Variants in FRMD4A observed in about 807,000 individuals in gnomAD.
The protein encoded by FRMD4A is FERM domain containing 4A.
Under a neutral mutation model 129.1 loss-of-function variants are expected in FRMD4A, and 29 were observed. The ratio of observed to expected loss-of-function variants is 0.22; its 90% CI spans 0.17 to 0.31. FRMD4A has a LOEUF of 0.31. Ranked by LOEUF, FRMD4A falls within the 10% of genes least tolerant of loss-of-function variation. The probability of loss-of-function intolerance (pLI) is 1.00; values close to 1 mark genes in which losing one functional copy is unlikely to be tolerated. For missense variants in FRMD4A, 1,272 were observed against 1,375.8 expected (o/e 0.92, Z 1.19); for synonymous variants, 634 against 571.6 (o/e 1.11, Z -1.56).
chr10:14,229,059 T>G (rs759463220), intron 2 of FRMD4A, among the ~76,000 whole-genome samples: 1 of 152,076 alleles, frequency 6.6e-6, no homozygotes, highest in Non-Finnish European at 1.5e-5. Flanking sequence ...CCTTCAGCAG[T>G]GCTAATGTTG....
intron 2 of FRMD4A, among the ~76,000 whole-genome samples, chr10:14,106,797 T>C (rs56957296): frequency 0.02 from 3,076 of 152,310 alleles, 106 homozygotes; most frequent in African/African-American, 0.07. Flanking sequence ...CTTTGCAGTT[T>C]GGAGATTTCT....
intron 2 of FRMD4A, among the ~76,000 whole-genome samples, chr10:14,121,981 T>A (rs1838549802): frequency 6.6e-6 from 1 of 152,244 alleles, no homozygotes. Context: ...AGCCTGTGTC[T>A]GGCACAGAAT....
At position 14,198,317 on chromosome 10, in the gene FRMD4A, G is replaced by A. The variant is rs553447914; in HGVS notation, c.45+131741C>T. Among the ~76,000 whole-genome samples the A allele has an allele frequency of 1.6e-4, 24 of 152,324 alleles. No homozygotes were observed. In the South Asian group the frequency reaches 4.6e-3, roughly 29 times the overall value. ...GCCCACATGACCTCATTGGGACATC[G>A]GGCTGGAGAGACCTGGGATGTTGAG... On this transcript the variant is annotated intron_variant, in intron 2 of 24. Transcript: ENST00000357447.
chr10:14,206,951 C>A (rs896630447), intron 2 of FRMD4A, among the ~76,000 whole-genome samples: 7 of 151,956 alleles, frequency 4.6e-5, no homozygotes, highest in Non-Finnish European at 1.0e-4. Flanking sequence ...CCAGACCAAT[C>A]AGTGACCTTA....
intron 2 of FRMD4A, among the ~76,000 whole-genome samples, chr10:14,139,351 A>G (rs1033666035): frequency 6.6e-6 from 1 of 152,222 alleles, no homozygotes; most frequent in Non-Finnish European, 1.5e-5. Context: ...AGGTTGCTGA[A>G]GTCATAAGCT....
At chr10:13,789,572 A>ACACACACACACG (rs1488605566) in intron 5 of FRMD4A, among the ~76,000 whole-genome samples, 191 of 148,946 alleles carry the variant, frequency 1.3e-3, no homozygotes, top group African/African-American at 4.6e-3. Flanking sequence ...ACACACACAC[A>ACACACACACACG]CACACACACA....
intron 2 of FRMD4A, among the ~76,000 whole-genome samples, chr10:14,174,412 G>A (rs797005762): frequency 6.6e-5 from 10 of 151,464 alleles, no homozygotes; most frequent in African/African-American, 2.4e-4. Context: ...ACAGTGATCT[G>A]TAACAACCCA....
chr10:13,854,837 G>A lies in FRMD4A; in HGVS notation c.111+4010C>T, dbSNP rs141779545. Among the ~76,000 whole-genome samples the A allele has an allele frequency of 1.4e-3, 213 of 152,260 alleles. 2 individuals carry two copies. The highest frequency in any genetic ancestry group is 4.8e-3 in the African/African-American group (199 of 41,542). The stretch of plus-strand genomic sequence containing the variant: ...CTGAACTGCAGGGCAATCTGTCTAT[G>A]CAACCTGCATGTGTCCACAACCAAG... On this transcript the variant is annotated intron_variant, in intron 3 of 24. Transcript: ENST00000357447.
chr10:13,791,815 G>A lies in FRMD4A; in HGVS notation c.299+4681C>T, dbSNP rs112150441. The stretch of plus-strand genomic sequence containing the variant: ...TGGTGGATTTGGGCTTGTAAGTCTC[G>A]GGAGTGACACAGCTCAGGGTGATGA... On this transcript the variant is annotated intron_variant, in intron 5 of 24. Transcript: ENST00000357447. Among the ~76,000 whole-genome samples the A allele has an allele frequency of 6.6e-3, 1,008 of 152,262 alleles. 18 individuals carry two copies. The highest frequency in any genetic ancestry group is 0.023 in the African/African-American group (969 of 41,546).
chr10:14,047,998 C>G (rs558447668), intron 2 of FRMD4A, among the ~76,000 whole-genome samples: 23 of 152,184 alleles, frequency 1.5e-4, no homozygotes, highest in Non-Finnish European at 3.1e-4. Flanking sequence ...AGCGCACAGC[C>G]CAGCACATAG....
intron 2 of FRMD4A, among the ~76,000 whole-genome samples, chr10:14,144,831 G>A (rs1424370067): frequency 6.6e-6 from 1 of 152,136 alleles, no homozygotes; most frequent in Non-Finnish European, 1.5e-5. Flanking sequence ...ATGAAGAGCA[G>A]CAGAGGAGAG....
intron 15 of FRMD4A, among the ~76,000 whole-genome samples, chr10:13,691,447 C>T (rs774351651): frequency 2.2e-4 from 34 of 152,096 alleles, no homozygotes; most frequent in Non-Finnish European, 4.6e-4. Context: ...GACCAGGACA[C>T]GGGCTTAAAA....
chr10:14,054,355 T>C (rs549943631), intron 2 of FRMD4A, among the ~76,000 whole-genome samples: 2 of 152,262 alleles, frequency 1.3e-5, no homozygotes, highest in South Asian at 4.1e-4. Context: ...TTTCCCAGTG[T>C]GGATTCAGGA....
intron 2 of FRMD4A, among the ~76,000 whole-genome samples, chr10:14,152,428 T>C (rs1840387161): frequency 6.6e-6 from 1 of 152,040 alleles, no homozygotes; most frequent in South Asian, 2.1e-4. Context: ...GCACTGGCCA[T>C]GTTTGTGTAG....
intron 2 of FRMD4A, among the ~76,000 whole-genome samples, chr10:14,066,282 T>C (rs1835055397): frequency 6.6e-6 from 1 of 151,130 alleles, no homozygotes; most frequent in African/African-American, 2.4e-5. Context: ...CAAAGTCACG[T>C]ACTTCCTCTG....
At chr10:14,097,489 T>C (rs1258783390) in intron 2 of FRMD4A, among the ~76,000 whole-genome samples, 1 of 152,186 alleles carries the variant, frequency 6.6e-6, no homozygotes, top group Non-Finnish European at 1.5e-5. Context: ...CAATGTTCTT[T>C]AAGATAATCT....
chr10:14,016,450 A>G (rs1474254265), intron 2 of FRMD4A, among the ~76,000 whole-genome samples: 1 of 152,140 alleles, frequency 6.6e-6, no homozygotes, highest in African/African-American at 2.4e-5. Context: ...ATTTGCCACA[A>G]CAGCCTCCTG....
At chr10:13,904,311 T>A (rs1019244917) in intron 2 of FRMD4A, among the ~76,000 whole-genome samples, 1 of 152,316 alleles carries the variant, frequency 6.6e-6, no homozygotes, top group Non-Finnish European at 1.5e-5. Context: ...GCCGTACATC[T>A]GCGCGGAAAA....
intron 2 of FRMD4A, among the ~76,000 whole-genome samples, chr10:13,973,197 T>C (rs767394567): frequency 6.6e-6 from 1 of 152,210 alleles, no homozygotes; most frequent in Non-Finnish European, 1.5e-5. Context: ...TGATATTTTT[T>C]CCCCCACTTA....
Sources: gnomAD v4.1 joint callset for allele counts (sites outside exome capture counted in the v4.1 genomes callset) on GRCh38, gnomAD v4.1.1 for gene constraint, MANE v1.5 for transcripts, NCBI Gene and HGNC (gene_info 2026-07-23, HGNC 2026-07-21) for gene names.